UEVLD: variants seen among roughly 807,000 people sequenced by gnomAD.
UEVLD encodes the protein UEV and lactate/malate dehyrogenase domains, also known as ubiquitin-conjugating enzyme E2 variant 3.
UEVLD carries 47 observed loss-of-function variants against 58.6 expected under a neutral mutation model. The observed-to-expected ratio is 0.80, with a 90% CI of 0.63 to 1.02. The LOEUF (loss-of-function observed/expected upper bound fraction) is 1.02, where lower values mean the gene tolerates loss of function less well. UEVLD is among the 50% of genes least tolerant of loss of function. The pLI is 0.00. For missense variants in UEVLD, 510 were observed against 550.6 expected, an observed-to-expected ratio of 0.93 and a Z score of 0.74; for synonymous variants, 197 against 195.3, an observed-to-expected ratio of 1.01 and a Z score of -0.07.
At chr11:18,538,280 C>CT (rs757843063) in intron 9 of UEVLD, among the ~76,000 whole-genome samples, 1,425 of 140,978 alleles carry the variant, frequency 0.01, 11 homozygotes, top group African/African-American at 0.024. Flanking sequence ...TGCACATATT[C>CT]TTTTTTTTTT....
chr11:18,560,427 G>T (rs1851981692), intron 6 of UEVLD, among the ~76,000 whole-genome samples: 2 of 152,098 alleles, frequency 1.3e-5, no homozygotes, highest in Admixed American at 1.3e-4. Flanking sequence ...TTATGGGTAT[G>T]GGAATAAACT....
At chr11:18,543,746 T>C (rs916920995) in intron 9 of UEVLD, among the ~76,000 whole-genome samples, 1 of 152,050 alleles carries the variant, frequency 6.6e-6, no homozygotes, top group African/African-American at 2.4e-5. Context: ...AGAGAAACAA[T>C]AAAAGAGTAA....
chr11:18,577,263 T>G (rs911946529), intron 2 of UEVLD, among the ~76,000 whole-genome samples: 19 of 152,222 alleles, frequency 1.2e-4, no homozygotes, highest in African/African-American at 4.3e-4. Context: ...CAAAAAAACA[T>G]TATCGCATGT....
intron 6 of UEVLD, among the ~76,000 whole-genome samples, chr11:18,564,437 G>C (rs1852194288): frequency 6.6e-6 from 1 of 151,102 alleles, no homozygotes; most frequent in African/African-American, 2.4e-5. Context: ...CTAGTAAAAA[G>C]GACTGATGAA....
chr11:18,533,021 C>T (rs1199526028), intron 11 of UEVLD, among the ~76,000 whole-genome samples: 1 of 151,442 alleles, frequency 6.6e-6, no homozygotes, highest in Non-Finnish European at 1.5e-5. Flanking sequence ...GAAAACATTC[C>T]AAATGGTCTC....
At chr11:18,547,099 A>G in intron 7 of UEVLD, 49 bp from the exon 8 acceptor site, 1 of 1,562,342 alleles carries the variant, frequency 6.4e-7, no homozygotes, top group East Asian at 2.3e-5. Context: ...GGCTTTAATC[A>G]AGTTCTAGTT....
chr11:18,580,035 CTTT>C (rs140542993), intron 1 of UEVLD, among the ~76,000 whole-genome samples: 18 of 85,412 alleles, frequency 2.1e-4, no homozygotes, highest in African/African-American at 7.0e-4. Flanking sequence ...TCCCAGCTGG[CTTT>C]TTTTTTTTTT....
intron 1 of UEVLD, among the ~76,000 whole-genome samples, chr11:18,579,753 T>C (rs1044752610): frequency 3.9e-5 from 6 of 152,174 alleles, no homozygotes; most frequent in Non-Finnish European, 8.8e-5. Flanking sequence ...AGTGGTTAGG[T>C]TTAAATGAAA....
chr11:18,578,782 T>G lies in UEVLD; in HGVS notation c.69A>C (p.Glu23Asp). ...AAAATACATTTACATTCCTTAGTTCTTCCACAGTTAGGTCCCTGAACTTGT... is the reference window on the plus strand; with the variant it reads ...AAAATACATTTACATTCCTTAGTTCGTCCACAGTTAGGTCCCTGAACTTGT... Reference protein sequence around the residue: ...GKYKFRDLTVEELRNVNVFFP... With the variant: ...GKYKFRDLTVDELRNVNVFFP... Residue 23 changes from glutamate (E) to aspartate (D), a missense_variant, in exon 2 of 12, where the codon GAA becomes GAC. By Grantham distance (45) the Glu-to-Asp change is conservative. Transcript: ENST00000396197. 1 of 1,608,228 alleles carries G rather than the reference T, an allele frequency of 6.2e-7. No individual in the cohort carries two copies. Among genetic ancestry groups the G allele is most frequent in the Non-Finnish European group, 8.5e-7 (1 of 1,177,162 alleles).
At chr11:18,536,336 T>C (rs558477865) in intron 10 of UEVLD, 70 bp downstream of exon 10, 9 of 1,396,802 alleles carry the variant, frequency 6.4e-6, no homozygotes, top group Non-Finnish European at 8.1e-6. Flanking sequence ...GTACATACTG[T>C]ATAAATAGCT....
At position 18,566,461 on chromosome 11, in the gene UEVLD, A is replaced by AG. The variant is rs1312487918; in HGVS notation, c.378_379insC (p.Ile128AsnfsTer2). 2 of 1,614,044 alleles carry AG rather than the reference A, an allele frequency of 1.2e-6. No homozygotes were observed. Among genetic ancestry groups the AG allele is most frequent in the Non-Finnish European group, 1.7e-6 (2 of 1,180,028 alleles). On this transcript the variant is annotated frameshift_variant, in exon 5 of 12. Coordinates refer to ENST00000396197, the MANE Select transcript of UEVLD (RefSeq NM_001040697.4). LOFTEE classifies it high-confidence loss of function. The stretch of plus-strand genomic sequence containing the variant: ...AACTTGGCAATCATTTCTTTAATTA[A>AG]TCCAACAATGACAGATTTAGGCTGT...
intron 7 of UEVLD, among the ~76,000 whole-genome samples, chr11:18,547,485 T>C (rs1241824000): frequency 6.6e-6 from 1 of 152,146 alleles, no homozygotes; most frequent in Non-Finnish European, 1.5e-5. Context: ...ATCTCGCCAT[T>C]GCACTCCAGA....
rs192990857 is a variant in UEVLD, at chr11:18,559,567, C to T, written c.613-1237G>A. 3.5e-3 allele frequency among the ~76,000 whole-genome samples: 540 copies of T among 152,184 alleles called. 6 individuals carry two copies. The highest frequency in any genetic ancestry group is 0.014 in the Middle Eastern group (4 of 294). On this transcript the variant is annotated intron_variant, in intron 6 of 11. Transcript: ENST00000396197. The stretch of plus-strand genomic sequence containing the variant: ...GGTGCACTCAATACTTCTGCTATTG[C>T]TCTTGATTTATGTTTTCATTTTGAT...
intron 7 of UEVLD, among the ~76,000 whole-genome samples, chr11:18,556,338 C>A (rs1203829298): frequency 6.6e-6 from 1 of 152,142 alleles, no homozygotes; most frequent in Non-Finnish European, 1.5e-5. Context: ...AAAAAAGATC[C>A]TTAAAGCAAC....
rs368476374 is a variant in UEVLD at position 18,555,940 on chromosome 11, C to T, written c.715+2288G>A. Among the ~76,000 whole-genome samples the T allele has an allele frequency of 1.8e-4, 28 of 152,096 alleles. No individual in the cohort carries two copies. In the East Asian group the frequency reaches 4.2e-3, roughly 23 times the overall value. ...CTCCAGCTTGGACCACAGAGCAAGA[C>T]CTTGTCTCTAGAAAAAAAAAATGTA... On this transcript the variant is annotated intron_variant, in intron 7 of 11. Transcript: ENST00000396197.
intron 1 of UEVLD, among the ~76,000 whole-genome samples, chr11:18,583,657 C>CTTTTTTTTTTT: frequency 8.5e-6 from 1 of 117,286 alleles, no homozygotes; most frequent in Non-Finnish European, 1.7e-5. Context: ...TCCAGTATTA[C>CTTTTTTTTTTT]TTTTTTTTTT....
chr11:18,554,155 G>A (rs185831426), intron 7 of UEVLD, among the ~76,000 whole-genome samples: 19 of 151,892 alleles, frequency 1.3e-4, no homozygotes, highest in Middle Eastern at 3.4e-3. Context: ...GCAATGGCAC[G>A]ATCTCGGCTC....
chr11:18,582,777 G>C (rs1853312428), intron 1 of UEVLD, among the ~76,000 whole-genome samples: 1 of 152,154 alleles, frequency 6.6e-6, no homozygotes, highest in African/African-American at 2.4e-5. Flanking sequence ...AAAGGGTACA[G>C]GTACTTCACT....
intron 6 of UEVLD, 32 bp from the exon 7 acceptor site, chr11:18,558,362 A>C: frequency 7.0e-7 from 1 of 1,428,428 alleles, no homozygotes; most frequent in Non-Finnish European, 9.6e-7. Flanking sequence ...ATTACACTGA[A>C]CATGGCCAGT....
Sources: gnomAD v4.1 joint callset for allele counts (sites outside exome capture counted in the v4.1 genomes callset) on GRCh38, gnomAD v4.1.1 for gene constraint, MANE v1.5 for transcripts, NCBI Gene and HGNC (gene_info 2026-07-23, HGNC 2026-07-21) for gene names.